MGAT4C: variants seen among roughly 807,000 people sequenced by gnomAD.
The protein encoded by MGAT4C is MGAT4 family member C.
MGAT4C carries 19 observed loss-of-function variants against 40.1 expected under a neutral mutation model. The ratio of observed to expected loss-of-function variants is 0.47; its 90% CI spans 0.33 to 0.70. MGAT4C has a LOEUF of 0.70. MGAT4C is among the 30% of genes least tolerant of loss of function. The pLI, the probability that MGAT4C is intolerant of heterozygous loss-of-function variation, is 0.02. For synonymous variants in MGAT4C, 181 were observed against 187.1 expected (o/e 0.97, Z 0.27); for missense variants, 491 against 563.2 (o/e 0.87, Z 1.30).
intron 1 of MGAT4C, among the ~76,000 whole-genome samples, chr12:86,806,296 G>A (rs1952352034): frequency 6.6e-6 from 1 of 151,812 alleles, no homozygotes; most frequent in African/African-American, 2.4e-5. Flanking sequence ...AAATAATAGA[G>A]AGAAGACCTG....
chr12:86,794,237 T>C (rs1364295734), intron 1 of MGAT4C, among the ~76,000 whole-genome samples: 1 of 151,778 alleles, frequency 6.6e-6, no homozygotes, highest in Non-Finnish European at 1.5e-5. Flanking sequence ...TGACTGTATG[T>C]TCTTTTTAAC....
chr12:86,070,100 T>C (rs2137032932), intron 1 of MGAT4C, among the ~76,000 whole-genome samples: 1 of 152,022 alleles, frequency 6.6e-6, no homozygotes, highest in African/African-American at 2.4e-5. Flanking sequence ...TTTTTTTTTT[T>C]TTTGGAAATC....
intron 1 of MGAT4C, among the ~76,000 whole-genome samples, chr12:86,200,209 A>T (rs1259700874): frequency 7.7e-6 from 1 of 130,444 alleles, no homozygotes; most frequent in African/African-American, 3.1e-5. Context: ...AGTCTTGATC[A>T]TTGTTGATTT....
At chr12:86,229,850 G>C (rs941893853) in intron 1 of MGAT4C, among the ~76,000 whole-genome samples, 1 of 151,998 alleles carries the variant, frequency 6.6e-6, no homozygotes, top group Non-Finnish European at 1.5e-5. Context: ...GCAAAGCACA[G>C]TGTTAAAAAA....
At chr12:86,299,921 G>T (rs1195959371) in intron 4 of MGAT4C, among the ~76,000 whole-genome samples, 1 of 152,158 alleles carries the variant, frequency 6.6e-6, no homozygotes, top group Non-Finnish European at 1.5e-5. Context: ...AATAGGCAAA[G>T]AATCTGCAAC....
intron 2 of MGAT4C, among the ~76,000 whole-genome samples, chr12:86,009,723 G>A (rs901344913): frequency 3.3e-5 from 5 of 152,100 alleles, no homozygotes; most frequent in Non-Finnish European, 7.4e-5. Context: ...TCTCCATCAT[G>A]GTAAGAAGCA....
intron 1 of MGAT4C, among the ~76,000 whole-genome samples, chr12:86,833,470 C>A (rs1952971664): frequency 6.6e-6 from 1 of 151,770 alleles, no homozygotes; most frequent in African/African-American, 2.4e-5. Flanking sequence ...AAGGTGTCAG[C>A]AGGGTTGTAT....
intron 1 of MGAT4C, among the ~76,000 whole-genome samples, chr12:86,821,651 C>T (rs1952708526): frequency 1.3e-5 from 2 of 150,680 alleles, no homozygotes; most frequent in African/African-American, 4.9e-5. Flanking sequence ...TTCTTAAAGC[C>T]TTTTTCAAGT....
chr12:86,465,820 C>T (rs1466957321), intron 2 of MGAT4C, among the ~76,000 whole-genome samples: 1 of 152,046 alleles, frequency 6.6e-6, no homozygotes, highest in African/African-American at 2.4e-5. Flanking sequence ...GAGAGTTTGG[C>T]AATTTTTGGT....
At chr12:86,353,026 A>C (rs1174586696) in intron 3 of MGAT4C, among the ~76,000 whole-genome samples, 1 of 147,050 alleles carries the variant, frequency 6.8e-6, no homozygotes, top group Non-Finnish European at 1.5e-5. Context: ...ATAATAATAA[A>C]ATAAAAAAAT....
At chr12:86,326,519 C>G (rs1220312176) in intron 4 of MGAT4C, among the ~76,000 whole-genome samples, 2 of 151,944 alleles carry the variant, frequency 1.3e-5, no homozygotes, top group Admixed American at 1.3e-4. Context: ...CATTATAAGA[C>G]TTAAATCTAC....
chr12:86,760,788 C>T (rs1706764158), intron 1 of MGAT4C, among the ~76,000 whole-genome samples: 1 of 152,098 alleles, frequency 6.6e-6, no homozygotes, highest in Non-Finnish European at 1.5e-5. Flanking sequence ...AGAACTGCAT[C>T]TACAACAACA....
chr12:86,561,529 G>T (rs2136409220), intron 2 of MGAT4C, among the ~76,000 whole-genome samples: 1 of 152,256 alleles, frequency 6.6e-6, no homozygotes, highest in Admixed American at 6.5e-5. Flanking sequence ...CAGACTCCAA[G>T]TTATTCACCT....
chr12:86,620,241 TA>T (rs1183690177), intron 2 of MGAT4C, among the ~76,000 whole-genome samples: 1 of 152,042 alleles, frequency 6.6e-6, no homozygotes. Flanking sequence ...ATTATTGTAT[TA>T]AAAATACACC....
intron 1 of MGAT4C, among the ~76,000 whole-genome samples, chr12:86,226,922 T>A (rs1428698936): frequency 6.6e-6 from 1 of 151,920 alleles, no homozygotes; most frequent in Admixed American, 6.6e-5. Flanking sequence ...TGCTCCTCTT[T>A]ATAGTAACAA....
chr12:86,369,112 TA>T (rs563461806), intron 3 of MGAT4C, among the ~76,000 whole-genome samples: 50 of 152,128 alleles, frequency 3.3e-4, no homozygotes, highest in Admixed American at 3.0e-3. Flanking sequence ...TATTATTATG[TA>T]ATATCTTTCA....
At chr12:86,402,832 C>A (rs1956395069) in intron 3 of MGAT4C, among the ~76,000 whole-genome samples, 1 of 150,532 alleles carries the variant, frequency 6.6e-6, no homozygotes, top group Admixed American at 6.6e-5. Context: ...GAATTTCTTT[C>A]TTTTAATGTG....
intron 2 of MGAT4C, among the ~76,000 whole-genome samples, chr12:86,712,573 C>T (rs1164486800): frequency 6.6e-6 from 1 of 152,104 alleles, no homozygotes; most frequent in Non-Finnish European, 1.5e-5. Context: ...TCTGATGTCA[C>T]TGTGACTCAT....
chr12:86,506,892 C>T (rs752217529), intron 2 of MGAT4C, among the ~76,000 whole-genome samples: 2 of 152,116 alleles, frequency 1.3e-5, no homozygotes, highest in East Asian at 1.9e-4. Context: ...AAATCTTCTT[C>T]GTAAGTTTCC....
Sources: gnomAD v4.1 joint callset for allele counts (sites outside exome capture counted in the v4.1 genomes callset) on GRCh38, gnomAD v4.1.1 for gene constraint, MANE v1.5 for transcripts, NCBI Gene and HGNC (gene_info 2026-07-23, HGNC 2026-07-21) for gene names.